The following SH3D19 variants were observed in gnomAD, a reference collection of about 807,000 sequenced individuals.
The protein encoded by SH3D19 is SH3 domain-containing protein 19.
In SH3D19, 58 loss-of-function variants were observed where a neutral mutation model predicts 112.1. The observed-to-expected ratio is 0.52, with a 90% CI of 0.42 to 0.64. The LOEUF (loss-of-function observed/expected upper bound fraction) is 0.64, where lower values mean the gene tolerates loss of function less well. Ranked by LOEUF, SH3D19 falls within the 30% of genes least tolerant of loss-of-function variation. The pLI, the probability that SH3D19 is intolerant of heterozygous loss-of-function variation, is 0.00. For synonymous variants in SH3D19, 391 were observed against 448.5 expected, an observed-to-expected ratio of 0.87 and a Z score of 1.62; for missense variants, 1,090 against 1,263.4, an observed-to-expected ratio of 0.86 and a Z score of 2.08.
chr4:151,142,428 G>C (rs1753167789), intron 12 of SH3D19, among the ~76,000 whole-genome samples: 1 of 152,090 alleles, frequency 6.6e-6, no homozygotes, highest in Non-Finnish European at 1.5e-5. Flanking sequence ...TCTACTTTCT[G>C]TCTCTATGGA....
chr4:151,259,414 T>G (rs1772201933), intron 1 of SH3D19: 1 of 151,866 alleles, frequency 6.6e-6, no homozygotes, highest in Non-Finnish European at 1.5e-5. Flanking sequence ...CATGGAGGGG[T>G]GAGGGTGGAG....
At chr4:151,216,085 T>C (rs1767042516) in intron 2 of SH3D19, among the ~76,000 whole-genome samples, 1 of 152,174 alleles carries the variant, frequency 6.6e-6, no homozygotes, top group Admixed American at 6.5e-5. Flanking sequence ...CATCTCGGCC[T>C]CCCAAAGTGC....
At chr4:151,158,709 G>C (rs1377049197) in intron 9 of SH3D19, among the ~76,000 whole-genome samples, 1 of 150,542 alleles carries the variant, frequency 6.6e-6, no homozygotes, top group Non-Finnish European at 1.5e-5. Context: ...TAAAAGTATT[G>C]AGGATATTGA....
chr4:151,265,569 C>CTTTTT (rs763878307), intron 1 of SH3D19, among the ~76,000 whole-genome samples: 6 of 126,122 alleles, frequency 4.8e-5, no homozygotes, highest in African/African-American at 1.7e-4. Flanking sequence ...TATTTCTTTT[C>CTTTTT]TTTTTTTTTT....
At chr4:151,310,350 G>A (rs1325622139) in intron 1 of SH3D19, among the ~76,000 whole-genome samples, 4 of 151,958 alleles carry the variant, frequency 2.6e-5, no homozygotes, top group African/African-American at 9.7e-5. Context: ...CTCCAGCCTG[G>A]ACAACACAGC....
chr4:151,299,892 T>C (rs1728193039), intron 1 of SH3D19, among the ~76,000 whole-genome samples: 1 of 152,038 alleles, frequency 6.6e-6, no homozygotes, highest in Non-Finnish European at 1.5e-5. Flanking sequence ...TAAAAACAGG[T>C]TGCAGCGAAA....
At chr4:151,243,607 G>A (rs1024004250) in intron 1 of SH3D19, among the ~76,000 whole-genome samples, 1 of 152,232 alleles carries the variant, frequency 6.6e-6, no homozygotes, top group Admixed American at 6.5e-5. Flanking sequence ...AAGATAATGG[G>A]TATGAGGGTC....
In SH3D19 at chr4:151,186,039, C is replaced by T. The variant is rs1437789070; in HGVS notation, c.193+1384G>A. On this transcript the variant is annotated intron_variant, in intron 3 of 19. Transcript: ENST00000604030. ...TGGGCGACAGTGAGAGACCATGTATCGGGGGGGAAAAACAACCAAGTTATG... is the reference window on the plus strand; with the variant it reads ...TGGGCGACAGTGAGAGACCATGTATTGGGGGGGAAAAACAACCAAGTTATG... Among the ~76,000 whole-genome samples the T allele has an allele frequency of 4.0e-5, 6 of 151,890 alleles. No individual in the cohort carries two copies. In the South Asian group the frequency reaches 1.0e-3, roughly 26 times the overall value.
intron 1 of SH3D19, among the ~76,000 whole-genome samples, chr4:151,281,818 G>T (rs1187440323): frequency 6.6e-6 from 1 of 152,034 alleles, no homozygotes; most frequent in Non-Finnish European, 1.5e-5. Context: ...AATTAGTATG[G>T]ACAATAAACA....
chr4:151,129,932 G>C (rs1750262356), intron 17 of SH3D19, among the ~76,000 whole-genome samples: 1 of 152,198 alleles, frequency 6.6e-6, no homozygotes, highest in Admixed American at 6.5e-5. Flanking sequence ...CTGCACTTGA[G>C]TAACCAACCC....
At chr4:151,214,121 C>T (rs1345246943) in intron 2 of SH3D19, among the ~76,000 whole-genome samples, 5 of 151,058 alleles carry the variant, frequency 3.3e-5, no homozygotes, top group South Asian at 2.1e-4. Flanking sequence ...CATCTTGCAC[C>T]GCCCTTAATC....
Position 151,196,958 on chromosome 4 carries a change from G to T in SH3D19, c.153-9495C>A, listed in dbSNP as rs1349791913. On this transcript the variant is annotated intron_variant, in intron 2 of 19. Transcript: ENST00000604030. The stretch of plus-strand genomic sequence containing the variant: ...CACAATGTGATACCCCTCTACTCCT[G>T]CAAGAATGGCCATAATAAAAAAATC... 3.3e-5 allele frequency among the ~76,000 whole-genome samples: 5 copies of T among 152,116 alleles called. No homozygotes were observed. The East Asian group carries it at 9.6e-4, about 29-fold the overall frequency.
chr4:151,271,256 G>A (rs1175008138), intron 1 of SH3D19, among the ~76,000 whole-genome samples: 3 of 152,158 alleles, frequency 2.0e-5, no homozygotes, highest in African/African-American at 7.2e-5. Flanking sequence ...TGTTTTATAA[G>A]GAGAGCTATT....
chr4:151,265,576 T>TTTC (rs1772723685), intron 1 of SH3D19, among the ~76,000 whole-genome samples: 4 of 145,868 alleles, frequency 2.7e-5, no homozygotes, highest in Admixed American at 2.7e-4. Flanking sequence ...TTTCTTTTTT[T>TTTC]TTTTTTTTTT....
At chr4:151,178,713 C>A (rs1321635427) in intron 4 of SH3D19, among the ~76,000 whole-genome samples, 1 of 152,076 alleles carries the variant, frequency 6.6e-6, no homozygotes, top group Non-Finnish European at 1.5e-5. Context: ...TTATTCTATA[C>A]TATACTGTAA....
chr4:151,144,453 A>C (rs903279622), intron 11 of SH3D19: 93 of 629,254 alleles, frequency 1.5e-4, no homozygotes, highest in East Asian at 2.7e-4. Flanking sequence ...GCCATTTCTC[A>C]TGGATGTTAA....
intron 7 of SH3D19, among the ~76,000 whole-genome samples, chr4:151,174,275 C>T (rs1356530521): frequency 8.5e-5 from 13 of 152,176 alleles, no homozygotes; most frequent in Admixed American, 7.9e-4. Flanking sequence ...CTACATGTTC[C>T]ATAACCTCCC....
intron 14 of SH3D19, among the ~76,000 whole-genome samples, chr4:151,135,714 C>T (rs1467672612): frequency 6.6e-6 from 1 of 152,084 alleles, no homozygotes; most frequent in Admixed American, 6.6e-5. Flanking sequence ...TAGGTGTGAG[C>T]TGCCGCACCC....
chr4:151,216,417 C>T (rs1767111735), intron 2 of SH3D19, among the ~76,000 whole-genome samples: 1 of 152,080 alleles, frequency 6.6e-6, no homozygotes, highest in African/African-American at 2.4e-5. Context: ...AGATTGAGGG[C>T]CACAAAGATG....
Sources: gnomAD v4.1 joint callset for allele counts (sites outside exome capture counted in the v4.1 genomes callset) on GRCh38, gnomAD v4.1.1 for gene constraint, MANE v1.5 for transcripts, NCBI Gene and HGNC (gene_info 2026-07-23, HGNC 2026-07-21) for gene names.